The following CLN8 variants were observed in gnomAD, a reference collection of about 807,000 sequenced individuals.
The protein encoded by CLN8 is protein CLN8.
Under a neutral mutation model 15.7 loss-of-function variants are expected in CLN8, and 14 were observed. That is an observed-to-expected ratio of 0.89 (90% CI 0.59 to 1.39). The LOEUF (loss-of-function observed/expected upper bound fraction) is 1.39. CLN8 is among the 40% of genes most tolerant of loss of function. The pLI, the probability that CLN8 is intolerant of heterozygous loss-of-function variation, is 0.00. For missense variants in CLN8, 415 were observed against 364.0 expected (o/e 1.14, Z -1.14); for synonymous variants, 188 against 151.0 (o/e 1.25, Z -1.80).
At chr8:1,778,160 G>C (rs1275491549) in intron 2 of CLN8, among the ~76,000 whole-genome samples, 1 of 152,170 alleles carries the variant, frequency 6.6e-6, no homozygotes, top group Non-Finnish European at 1.5e-5. Flanking sequence ...AGTTGTCAGA[G>C]TGACTATACT....
At chr8:1,776,838 G>A (rs13256424) in intron 2 of CLN8, among the ~76,000 whole-genome samples, 113,535 of 152,084 alleles carry the variant, frequency 0.75, 43,016 homozygotes, top group African/African-American at 0.87. Context: ...CTCAGACTGA[G>A]TCCTACTGAA....
intron 2 of CLN8, 91 bp from the exon 3 acceptor site, chr8:1,780,159 G>A (rs1801665954): frequency 1.2e-6 from 2 of 1,607,214 alleles, no homozygotes; most frequent in Non-Finnish European, 8.5e-7. Flanking sequence ...GTTTTGTTTG[G>A]TAAGTAAGGT....
chr8:1,775,315 CT>C (rs1262883543), intron 2 of CLN8, among the ~76,000 whole-genome samples: 1 of 152,088 alleles, frequency 6.6e-6, no homozygotes, highest in Non-Finnish European at 1.5e-5. Flanking sequence ...GCATCCGTGG[CT>C]TTGGGTATCT....
At chr8:1,757,001 A>C (rs982423798) in intron 1 of CLN8, among the ~76,000 whole-genome samples, 5 of 152,274 alleles carry the variant, frequency 3.3e-5, no homozygotes, top group African/African-American at 9.6e-5. Context: ...GCATTTCTTA[A>C]AGCTGCACTA....
In CLN8 at chr8:1,783,367, T is replaced by C. The variant is rs1177142700; in HGVS notation, c.*2800T>C. The C allele has an allele frequency of 1.3e-5, 2 of 152,192 alleles. No individual in the cohort carries two copies. The highest frequency in any genetic ancestry group is 2.9e-5 in the Non-Finnish European group (2 of 68,028). 9.4% of individuals were successfully genotyped at this position (152,192 alleles called of 1,614,324 possible). A position where few individuals can be genotyped will look rare whatever the true frequency, so the allele number is the denominator to read the frequency against. On this transcript the variant is annotated 3_prime_UTR_variant, in exon 3 of 3. Transcript: ENST00000331222. ...GGAACTGCTTGAAAACTAGGACGAT[T>C]GGGCAATATCGGCCTTAACTCCACC...
rs1214440075 is a variant in CLN8 at position 1,783,101 on chromosome 8, C to G, written c.*2534C>G. 1 of 152,294 alleles carries G rather than the reference C, an allele frequency of 6.6e-6. No homozygotes were observed. The highest frequency in any genetic ancestry group is 2.4e-5 in the African/African-American group (1 of 41,450). The allele number at this position is 152,294 out of a possible 1,614,324, so 9.4% of individuals were successfully genotyped here. A position where few individuals can be genotyped will look rare whatever the true frequency, so the allele number is the denominator to read the frequency against. On this transcript the variant is annotated 3_prime_UTR_variant, in exon 3 of 3. Coordinates refer to ENST00000331222, the MANE Select transcript of CLN8 (RefSeq NM_018941.4). Reference sequence around the variant, plus strand: ...GATGGCACAGCACTTTCCCATGGTCCTCACTGGCCTCAGTCTCCCTGACCG... The same window carrying G: ...GATGGCACAGCACTTTCCCATGGTCGTCACTGGCCTCAGTCTCCCTGACCG...
chr8:1,776,141 C>T (rs7015858), intron 2 of CLN8, among the ~76,000 whole-genome samples: 112,690 of 152,082 alleles, frequency 0.74, 42,381 homozygotes, highest in African/African-American at 0.87. Flanking sequence ...GGCACACATG[C>T]GTGGCAGTGC....
At chr8:1,767,966 G>A (rs1430593935) in intron 1 of CLN8, among the ~76,000 whole-genome samples, 1 of 150,350 alleles carries the variant, frequency 6.7e-6, no homozygotes, top group Non-Finnish European at 1.5e-5. Context: ...TTTTTGAGAT[G>A]GAGTTTTGCT....
At chr8:1,772,784 A>G (rs1801366670) in intron 2 of CLN8, 1 of 382,660 alleles carries the variant, frequency 2.6e-6, no homozygotes, top group Admixed American at 4.5e-5. Flanking sequence ...ACAGCCTTAA[A>G]ATTGTTTTTA....
Position 1,771,613 on chromosome 8 carries a change from AG to A in CLN8, c.543+17del. On this transcript the variant is annotated intron_variant, in intron 2 of 2. Coordinates refer to ENST00000331222, the MANE Select transcript of CLN8 (RefSeq NM_018941.4). ...GCTCTTAAAGGTAAGTGCATGCATC[AG>A]CAGAAGATGACATGTGCCTCACGCA... The A allele has an allele frequency of 6.2e-7, 1 of 1,610,870 alleles. No individual in the cohort carries two copies. Among genetic ancestry groups the A allele is most frequent in the Non-Finnish European group, 8.5e-7 (1 of 1,178,308 alleles).
chr8:1,765,095 T>C (rs1406632985), intron 1 of CLN8: 1 of 152,196 alleles, frequency 6.6e-6, no homozygotes. Context: ...CTGTGGTTGT[T>C]AAGGAAGTTC....
chr8:1,772,102 C>T (rs1563108740), intron 2 of CLN8, among the ~76,000 whole-genome samples: 1 of 151,878 alleles, frequency 6.6e-6, no homozygotes, highest in African/African-American at 2.4e-5. Flanking sequence ...CACCTGGCTA[C>T]CTTTTTTGTC....
intron 2 of CLN8, chr8:1,780,030 G>A (rs1801659562): frequency 1.5e-5 from 15 of 985,478 alleles, no homozygotes; most frequent in Non-Finnish European, 1.8e-5. Flanking sequence ...AGCATGAGCG[G>A]GCAAGGGTCA....
intron 2 of CLN8, 136 bp from the exon 3 acceptor site, chr8:1,780,114 C>A (rs1247157602): frequency 1.3e-6 from 2 of 1,527,442 alleles, no homozygotes; most frequent in African/African-American, 2.7e-5. Context: ...GAGCAGAGCC[C>A]TGGGGAGGAA....
chr8:1,753,590 G>GA (rs1800601958), upstream of CLN8, among the ~76,000 whole-genome samples: 1 of 113,268 alleles, frequency 8.8e-6, no homozygotes, highest in Non-Finnish European at 1.9e-5. Context: ...AAAAAAGAAA[G>GA]AAAAAGAAAA....
intron 1 of CLN8, among the ~76,000 whole-genome samples, chr8:1,756,608 TC>T (rs1800676038): frequency 8.5e-6 from 1 of 118,146 alleles, no homozygotes; most frequent in African/African-American, 3.2e-5. Context: ...ATAAATTTGT[TC>T]CTAAAATAGT....
upstream of CLN8, among the ~76,000 whole-genome samples, chr8:1,753,303 G>A (rs1800595312): frequency 2.2e-5 from 2 of 91,488 alleles, no homozygotes; most frequent in Admixed American, 2.0e-4. Flanking sequence ...GGGCGCGGTG[G>A]CTCATGCCTG....
intron 1 of CLN8, among the ~76,000 whole-genome samples, chr8:1,765,883 C>T (rs1029285096): frequency 6.6e-6 from 1 of 152,212 alleles, no homozygotes; most frequent in African/African-American, 2.4e-5. Context: ...GGTTGTAAAA[C>T]ACTGAACTTG....
At chr8:1,778,281 A>G (rs1468011669) in intron 2 of CLN8, among the ~76,000 whole-genome samples, 1 of 152,252 alleles carries the variant, frequency 6.6e-6, no homozygotes. Flanking sequence ...TGGACATATC[A>G]AAAACCTCCA....
Sources: allele counts gnomAD v4.1 joint callset (sites outside exome capture counted in the v4.1 genomes callset), GRCh38; gene constraint gnomAD v4.1.1; transcripts MANE v1.5; gene names NCBI Gene and HGNC (gene_info 2026-07-23, HGNC 2026-07-21).